Variants in MAST3 observed in about 807,000 individuals in gnomAD.
MAST3 encodes the protein microtubule-associated serine/threonine-protein kinase 3.
A neutral mutation model predicts 127.0 loss-of-function variants in MAST3; 43 were observed. The ratio of observed to expected loss-of-function variants is 0.34; its 90% CI spans 0.27 to 0.44. The LOEUF (loss-of-function observed/expected upper bound fraction) is 0.44, where lower values mean the gene tolerates loss of function less well. Ranked by LOEUF, MAST3 falls within the 20% of genes least tolerant of loss-of-function variation. The pLI, the probability that MAST3 is intolerant of heterozygous loss-of-function variation, is 1.00. For synonymous variants in MAST3, 785 were observed against 809.2 expected, an observed-to-expected ratio of 0.97 and a Z score of 0.51; for missense variants, 1,390 against 1,919.1, an observed-to-expected ratio of 0.72 and a Z score of 5.15.
chr19:18,148,798 G>C, intron 27 of MAST3, among the ~76,000 whole-genome samples: 1 of 152,136 alleles, frequency 6.6e-6, no homozygotes, highest in East Asian at 1.9e-4. Flanking sequence ...AGTTACTTAG[G>C]GGGCCGAGGC....
At chr19:18,106,276 G>A (rs964263296) in intron 1 of MAST3, among the ~76,000 whole-genome samples, 3 of 151,732 alleles carry the variant, frequency 2.0e-5, no homozygotes, top group Non-Finnish European at 2.9e-5. Context: ...TTTTTGAGAC[G>A]GAATCTCTCA....
intron 3 of MAST3, among the ~76,000 whole-genome samples, chr19:18,116,117 G>A (rs1427442554): frequency 4.7e-4 from 24 of 50,728 alleles, no homozygotes; most frequent in Admixed American, 4.5e-3. Context: ...TTTTTGAGAC[G>A]GAGTCTCGCT....
At chr19:18,128,495 G>C in intron 12 of MAST3, 37 bp downstream of exon 12, 6 of 1,545,166 alleles carry the variant, frequency 3.9e-6, no homozygotes, top group Non-Finnish European at 5.3e-6. Flanking sequence ...CGCTCATCTT[G>C]TTCTTTCCAG....
rs1279200368 is a variant in MAST3 at position 18,144,149 on chromosome 19, A to G, written c.2584+142A>G. ...GAGAGGAGAAGCCAGGGTCCCAGAG[A>G]GACCCCCAGCCCCCAAGGAACCCCA... is the stretch of plus-strand genomic sequence containing the variant. On this transcript the variant is annotated intron_variant, in intron 22 of 27. Coordinates refer to ENST00000687212, the MANE Select transcript of MAST3 (RefSeq NM_001393504.1). The surrounding 1 kb of genome is among the most constrained non-coding windows in gnomAD (Gnocchi z 4.0). 6.0e-5 allele frequency: 74 copies of G among 1,235,380 alleles called. No individual in the cohort carries two copies. The highest frequency in any genetic ancestry group is 7.7e-5 in the Non-Finnish European group (70 of 913,844). The allele number at this position is 1,235,380 out of a possible 1,614,324, so 76.5% of individuals were successfully genotyped here.
intron 11 of MAST3, among the ~76,000 whole-genome samples, chr19:18,125,051 G>A (rs1437991280): frequency 6.6e-6 from 1 of 152,126 alleles, no homozygotes; most frequent in African/African-American, 2.4e-5. Context: ...AGGTTGCAGT[G>A]AGCTGAGATC....
chr19:18,121,837 G>A lies in MAST3; in HGVS notation c.251-16G>A, dbSNP rs375869521. ...TCTGCCCCGCTGACTCAGTTTCCCC[G>A]CCTCCTCCTCAGCAGGCAGCAGCCC... On this transcript the variant is annotated splice_polypyrimidine_tract_variant and intron_variant, in intron 4 of 27. Transcript: ENST00000687212. 60 of 1,613,796 alleles carry A rather than the reference G, an allele frequency of 3.7e-5. No individual in the cohort carries two copies. The highest frequency in any genetic ancestry group is 1.7e-4 in the African/African-American group (13 of 74,926).
rs191926951 is a variant in MAST3, at chr19:18,149,878, C to T, written c.*152C>T. The T allele has an allele frequency of 1.5e-4, 158 of 1,078,204 alleles. 1 individual carries two copies. In the Admixed American group the frequency reaches 4.0e-3, roughly 27 times the overall value. The allele number at this position is 1,078,204 out of a possible 1,614,324, so 66.8% of individuals were successfully genotyped here. ...GGTCCTTGCTGGAAGGTGGAGACAT[C>T]GCTTGTGTTCTGGTGTCAATCGGGG... On this transcript the variant is annotated 3_prime_UTR_variant, in exon 28 of 28. Coordinates refer to ENST00000687212, the MANE Select transcript of MAST3 (RefSeq NM_001393504.1). The surrounding 1 kb of genome is among the most constrained non-coding windows in gnomAD (Gnocchi z 5.9).
chr19:18,144,152 C>T lies in MAST3; in HGVS notation c.2584+145C>T, dbSNP rs1225497914. On this transcript the variant is annotated intron_variant, in intron 22 of 27. Coordinates refer to ENST00000687212, the MANE Select transcript of MAST3 (RefSeq NM_001393504.1). The surrounding 1 kb of genome is among the most constrained non-coding windows in gnomAD (Gnocchi z 4.0). ...AGGAGAAGCCAGGGTCCCAGAGAGA[C>T]CCCCAGCCCCCAAGGAACCCCAGTC... 72 of 1,199,960 alleles carry T rather than the reference C, an allele frequency of 6.0e-5. No homozygotes were observed. Among genetic ancestry groups the T allele is most frequent in the Non-Finnish European group, 7.8e-5 (69 of 882,538 alleles). 74.3% of individuals were successfully genotyped at this position (1,199,960 alleles called of 1,614,324 possible). A position where few individuals can be genotyped will look rare whatever the true frequency, so the allele number is the denominator to read the frequency against.
chr19:18,102,179 CT>C (rs940864516), intron 1 of MAST3, among the ~76,000 whole-genome samples: 7 of 144,514 alleles, frequency 4.8e-5, no homozygotes, highest in Admixed American at 6.9e-5. Context: ...TGCGCCTGGC[CT>C]TTTTTTTTTG....
intron 1 of MAST3, among the ~76,000 whole-genome samples, chr19:18,099,368 G>A (rs1320234503): frequency 6.8e-6 from 1 of 146,896 alleles, no homozygotes; most frequent in Non-Finnish European, 1.5e-5. Context: ...GCAGCGTGGT[G>A]TTGGTGGGGG....
intron 3 of MAST3, among the ~76,000 whole-genome samples, chr19:18,118,825 C>T (rs1475815712): frequency 6.6e-6 from 1 of 152,150 alleles, no homozygotes; most frequent in Non-Finnish European, 1.5e-5. Context: ...GCTGTGTGAC[C>T]TCAAGTAGCT....
intron 13 of MAST3, among the ~76,000 whole-genome samples, chr19:18,129,739 A>G (rs377245139): frequency 6.6e-6 from 1 of 152,210 alleles, no homozygotes; most frequent in East Asian, 1.9e-4. Context: ...AGCCTGGGCA[A>G]CATGGCAAAA....
rs2038450623 is a variant in MAST3 at position 18,110,386 on chromosome 19, G to A, written c.72-266G>A. 2 of 985,552 alleles carry A rather than the reference G, an allele frequency of 2.0e-6. No individual in the cohort carries two copies. The highest frequency in any genetic ancestry group is 2.4e-6 in the Non-Finnish European group (2 of 829,988). 61.1% of individuals were successfully genotyped at this position (985,552 alleles called of 1,614,324 possible). A position where few individuals can be genotyped will look rare whatever the true frequency, so the allele number is the denominator to read the frequency against. ...CCTCGAGTGAGTGTTGGGCAGGGCG[G>A]GGGTATGCGGGGTGCAGGGAGGACA... is the stretch of plus-strand genomic sequence containing the variant. On this transcript the variant is annotated intron_variant, in intron 2 of 27. Transcript: ENST00000687212. The surrounding 1 kb of genome is among the most constrained non-coding windows in gnomAD (Gnocchi z 4.3).
chr19:18,131,055 C>T (rs2041221037), intron 14 of MAST3, among the ~76,000 whole-genome samples: 1 of 152,206 alleles, frequency 6.6e-6, no homozygotes, highest in Admixed American at 6.5e-5. Context: ...GGCGAGAGAG[C>T]GAACATGCAC....
intron 1 of MAST3, among the ~76,000 whole-genome samples, chr19:18,100,128 C>CTCTCTTTTTTT: frequency 8.2e-6 from 1 of 121,720 alleles, no homozygotes; most frequent in African/African-American, 2.8e-5. Context: ...CTCTCTCTCT[C>CTCTCTTTTTTT]TTTTTTTTTT....
chr19:18,145,244 G>A lies in MAST3; in HGVS notation c.3039+15G>A, dbSNP rs762822941. 6.2e-7 allele frequency: 1 copy of A among 1,607,584 alleles called. No homozygotes were observed. The highest frequency in any genetic ancestry group is 1.3e-5 in the African/African-American group (1 of 74,814). On this transcript the variant is annotated intron_variant, in intron 24 of 27. Coordinates refer to ENST00000687212, the MANE Select transcript of MAST3 (RefSeq NM_001393504.1). The surrounding 1 kb of genome is among the most constrained non-coding windows in gnomAD (Gnocchi z 5.9). ...ACGTCGTCTGGGTGAGTGCCGAGTG[G>A]GAATGGCAGGGACCCGGGTTCTAGT...
At chr19:18,108,876 G>A (rs117435848) in intron 2 of MAST3, among the ~76,000 whole-genome samples, 3,671 of 152,140 alleles carry the variant, frequency 0.024, 104 homozygotes, top group Admixed American at 0.076. Flanking sequence ...ATTTTTTTGA[G>A]CACCTGCTGT....
chr19:18,102,899 T>C (rs1232774769), intron 1 of MAST3, among the ~76,000 whole-genome samples: 1 of 152,206 alleles, frequency 6.6e-6, no homozygotes, highest in African/African-American at 2.4e-5. Flanking sequence ...ATGGGGGTGC[T>C]CCTGCTGTGC....
chr19:18,125,574 C>G (rs1448731131), intron 11 of MAST3, among the ~76,000 whole-genome samples: 1 of 151,828 alleles, frequency 6.6e-6, no homozygotes, highest in East Asian at 1.9e-4. Flanking sequence ...AACCCCATCT[C>G]TACTAAAGAT....
Sources: allele counts gnomAD v4.1 joint callset (sites outside exome capture counted in the v4.1 genomes callset), GRCh38; gene constraint gnomAD v4.1.1; non-coding constraint Gnocchi (gnomAD v3.1); transcripts MANE v1.5; gene names NCBI Gene and HGNC (gene_info 2026-07-23, HGNC 2026-07-21).